Variants in CYRIB observed in about 807,000 individuals in gnomAD.
CYRIB encodes CYFIP related Rac1 interactor B.
CYRIB carries 8 observed loss-of-function variants against 44.2 expected under a neutral mutation model. That is an observed-to-expected ratio of 0.18 (90% confidence interval 0.11 to 0.33). CYRIB has a LOEUF of 0.33. Among genes scored for constraint, CYRIB ranks in the 10% least tolerant of loss-of-function variants. The pLI, the probability that CYRIB is intolerant of heterozygous loss-of-function variation, is 1.00. For synonymous variants in CYRIB, 131 were observed against 127.2 expected, an observed-to-expected ratio of 1.03 and a Z score of -0.20; for missense variants, 185 against 382.8, an observed-to-expected ratio of 0.48 and a Z score of 4.31.
chr8:129,871,369 C>G lies in CYRIB; in HGVS notation c.195+6G>C. The G allele has an allele frequency of 6.2e-7, 1 of 1,601,882 alleles. No homozygotes were observed. Among genetic ancestry groups the G allele is most frequent in the Non-Finnish European group, 8.5e-7 (1 of 1,176,236 alleles). ...GTTAACTAGAAAATACATAAATGCG[C>G]TTTACCTCTCGTATTTCGTGGCCAG... On this transcript the variant is annotated splice_donor_region_variant and intron_variant, in intron 4 of 11. Transcript: ENST00000519824.
rs2096573479 is a variant in CYRIB at position 129,989,640 on chromosome 8, C to CA, written c.-295-18646_-295-18645insT. ...GGACCTCGCAAGCCTGATGCCCTTT[C>CA]TTTTTTTTTTTTTTTTAATTATACT... On this transcript the variant is annotated intron_variant, in intron 1 of 14. Coordinates refer to the CYRIB transcript ENST00000401979. 4.4e-5 allele frequency among the ~76,000 whole-genome samples: 6 copies of CA among 136,798 alleles called. No individual in the cohort carries two copies. In the South Asian group the frequency reaches 1.4e-3, roughly 32 times the overall value. The allele number at this position is 136,798 out of a possible 152,430, so 89.7% of individuals were successfully genotyped here.
At position 129,844,407 on chromosome 8, in the gene CYRIB, T is replaced by A. The variant is rs530361334; in HGVS notation, c.912-2202A>T. ...TACGTGAAAATAAAACATGAAGATA[T>A]ATGGCATTATTTTCCTTTGTGCACA... On this transcript the variant is annotated intron_variant, in intron 11 of 11. Coordinates refer to ENST00000519824, the Ensembl canonical transcript of CYRIB. 9 of 152,318 alleles carry A rather than the reference T, an allele frequency of 5.9e-5. No homozygotes were observed. The South Asian group carries it at 1.9e-3, about 32-fold the overall frequency. 9.4% of individuals were successfully genotyped at this position (152,318 alleles called of 1,614,324 possible). A position where few individuals can be genotyped will look rare whatever the true frequency, so the allele number is the denominator to read the frequency against.
chr8:129,955,444 A>G (rs2094763105), intron 2 of CYRIB, among the ~76,000 whole-genome samples: 2 of 152,056 alleles, frequency 1.3e-5, no homozygotes, highest in Admixed American at 1.3e-4. Flanking sequence ...ACCTTCCACA[A>G]CACTCCCACG....
intron 1 of CYRIB, among the ~76,000 whole-genome samples, chr8:129,991,972 A>AAC (rs71302388): frequency 8.3e-6 from 1 of 120,066 alleles, no homozygotes; most frequent in Non-Finnish European, 1.9e-5. Flanking sequence ...AAAAAAAAAA[A>AAC]CAATAGGAAG....
intron 1 of CYRIB, among the ~76,000 whole-genome samples, chr8:130,002,465 G>A (rs2096929174): frequency 6.6e-6 from 1 of 151,954 alleles, no homozygotes; most frequent in Non-Finnish European, 1.5e-5. Flanking sequence ...AAGAAGAGGA[G>A]ACTCTTAGTG....
intron 1 of CYRIB, among the ~76,000 whole-genome samples, chr8:129,972,488 G>A (rs138540269): frequency 6.6e-6 from 1 of 152,216 alleles, no homozygotes; most frequent in African/African-American, 2.4e-5. Flanking sequence ...GAGACAGGAG[G>A]ATCACTTGAG....
intron 4 of CYRIB, among the ~76,000 whole-genome samples, chr8:129,862,768 G>C (rs772796721): frequency 6.6e-6 from 1 of 152,058 alleles, no homozygotes; most frequent in Non-Finnish European, 1.5e-5. Flanking sequence ...CACCACGCAC[G>C]GCTGAGTGTT....
At chr8:129,910,963 C>A (rs941604728) in intron 1 of CYRIB, among the ~76,000 whole-genome samples, 1 of 152,216 alleles carries the variant, frequency 6.6e-6, no homozygotes, top group Non-Finnish European at 1.5e-5. Flanking sequence ...CGGCCTCTCT[C>A]CCATTGTTTT....
At chr8:129,916,831 T>C (rs184279469) in intron 1 of CYRIB, among the ~76,000 whole-genome samples, 2 of 152,314 alleles carry the variant, frequency 1.3e-5, no homozygotes, top group Non-Finnish European at 2.9e-5. Context: ...GCTTAAGTAT[T>C]TTACAACGAA....
intron 4 of CYRIB, 117 bp from the exon 7 acceptor site, chr8:129,862,451 G>A: frequency 2.5e-6 from 2 of 796,426 alleles, no homozygotes; most frequent in South Asian, 1.6e-5. Context: ...ATAAAATATA[G>A]AATATTGAAT....
chr8:129,970,268 G>A (rs2095639282), intron 2 of CYRIB, among the ~76,000 whole-genome samples: 1 of 152,176 alleles, frequency 6.6e-6, no homozygotes, highest in Non-Finnish European at 1.5e-5. Context: ...AGTGAGGATA[G>A]TTGGGAGTCT....
intron 1 of CYRIB, among the ~76,000 whole-genome samples, chr8:129,931,816 G>C (rs1359460019): frequency 6.6e-6 from 1 of 151,584 alleles, no homozygotes; most frequent in Admixed American, 6.6e-5. Context: ...AAGTAGAGAC[G>C]AGGTTTCACC....
intron 6 of CYRIB, among the ~76,000 whole-genome samples, chr8:129,854,901 A>T (rs1163308582): frequency 6.6e-6 from 1 of 152,168 alleles, no homozygotes; most frequent in Non-Finnish European, 1.5e-5. Flanking sequence ...ATTCCTTTAC[A>T]TTCATTCTTT....
chr8:129,854,523 T>C (rs900893652), intron 6 of CYRIB, among the ~76,000 whole-genome samples, 180 bp from the exon 9 acceptor site: 3 of 152,208 alleles, frequency 2.0e-5, no homozygotes, highest in African/African-American at 7.2e-5. Flanking sequence ...TTACTGAACA[T>C]ATAAAACGAA....
intron 1 of CYRIB, among the ~76,000 whole-genome samples, chr8:130,007,908 C>G (rs1460434779): frequency 2.7e-5 from 4 of 150,728 alleles, no homozygotes; most frequent in Admixed American, 2.6e-4. Context: ...GATGGGAGCC[C>G]TGTTAAGAGG....
At chr8:129,894,923 A>AT (rs1308834154) in intron 2 of CYRIB, among the ~76,000 whole-genome samples, 12 of 148,766 alleles carry the variant, frequency 8.1e-5, no homozygotes, top group African/African-American at 2.5e-4. Flanking sequence ...ATATATATAT[A>AT]TATATATTTT....
At chr8:129,952,025 A>C (rs2094529236) in intron 2 of CYRIB, among the ~76,000 whole-genome samples, 1 of 149,542 alleles carries the variant, frequency 6.7e-6, no homozygotes, top group South Asian at 2.2e-4. Flanking sequence ...TATATCATAA[A>C]ATGCAAAAAT....
intron 11 of CYRIB, 113 bp from the exon 14 acceptor site, chr8:129,842,318 T>C: frequency 2.8e-6 from 2 of 726,732 alleles, no homozygotes; most frequent in South Asian, 1.6e-5. Flanking sequence ...CACAAAATTA[T>C]GGCTTCTCAT....
chr8:129,897,295 T>G (rs893474820), intron 2 of CYRIB, among the ~76,000 whole-genome samples: 1 of 152,182 alleles, frequency 6.6e-6, no homozygotes, highest in East Asian at 1.9e-4. Context: ...TTAGAAAAAT[T>G]TGTAGAAACT....
Sources: allele counts gnomAD v4.1 joint callset (sites outside exome capture counted in the v4.1 genomes callset), GRCh38; gene constraint gnomAD v4.1.1; transcripts MANE v1.5; gene names NCBI Gene and HGNC (gene_info 2026-07-23, HGNC 2026-07-21).